Variants in FOXP1 observed in about 807,000 individuals in gnomAD.
FOXP1 encodes the protein forkhead box P1.
A neutral mutation model predicts 98.2 loss-of-function variants in FOXP1; 15 were observed. The ratio of observed to expected loss-of-function variants is 0.15; its 90% CI spans 0.10 to 0.24. The LOEUF is 0.24. Among genes scored for constraint, FOXP1 ranks in the 10% least tolerant of loss-of-function variants. The pLI, the probability that FOXP1 is intolerant of heterozygous loss-of-function variation, is 1.00. For missense variants in FOXP1, 633 were observed against 848.5 expected (o/e 0.75, Z 3.15); for synonymous variants, 371 against 314.5 (o/e 1.18, Z -1.90).
chr3:70,979,362 T>TTATC (rs1196621645), intron 14 of FOXP1, among the ~76,000 whole-genome samples: 13 of 150,374 alleles, frequency 8.6e-5, no homozygotes, highest in Non-Finnish European at 1.8e-4. Context: ...TTTATCTTTC[T>TTATC]TATCTTCACC....
chr3:71,480,297 C>G (rs533997086), intron 3 of FOXP1, among the ~76,000 whole-genome samples: 2 of 152,232 alleles, frequency 1.3e-5, no homozygotes, highest in Non-Finnish European at 2.9e-5. Context: ...AGCCGAGTGT[C>G]TGGCACACAG....
At chr3:71,369,153 G>T (rs1241272587) in intron 3 of FOXP1, among the ~76,000 whole-genome samples, 6 of 152,042 alleles carry the variant, frequency 3.9e-5, no homozygotes, top group Non-Finnish European at 8.8e-5. Flanking sequence ...ATTTTGGGAG[G>T]CTGAGGCAGG....
At chr3:71,143,660 G>A (rs2060172698) in intron 6 of FOXP1, among the ~76,000 whole-genome samples, 1 of 152,204 alleles carries the variant, frequency 6.6e-6, no homozygotes, top group African/African-American at 2.4e-5. Flanking sequence ...TTGGGAGGCT[G>A]AGATGGGAGG....
Position 71,247,027 on chromosome 3 carries a change from A to G in FOXP1, c.-11-48635T>C, listed in dbSNP as rs191976752. On this transcript the variant is annotated intron_variant, in intron 5 of 20. Coordinates refer to ENST00000649528, the MANE Select transcript of FOXP1 (RefSeq NM_001349338.3). ...TCACTGTGGCGCTACAGCTCTCAGC[A>G]TAAGTGTTTTTATTGGGTTTATTTG... Among the ~76,000 whole-genome samples the G allele has an allele frequency of 7.0e-4, 107 of 152,348 alleles. 1 individual carries two copies. The highest frequency in any genetic ancestry group is 2.4e-3 in the African/African-American group (101 of 41,578).
chr3:71,226,889 A>G (rs555526134), intron 5 of FOXP1, among the ~76,000 whole-genome samples: 2 of 152,262 alleles, frequency 1.3e-5, no homozygotes, highest in African/African-American at 4.8e-5. Context: ...CACACTGGTC[A>G]GACTGGGGTA....
chr3:71,164,292 C>T (rs1306991955), intron 6 of FOXP1, among the ~76,000 whole-genome samples: 6 of 152,166 alleles, frequency 3.9e-5, no homozygotes, highest in South Asian at 4.1e-4. Flanking sequence ...CTCCGCCTCC[C>T]GGGTTCATGC....
intron 5 of FOXP1, among the ~76,000 whole-genome samples, chr3:71,273,293 C>T (rs1307355841): frequency 5.3e-5 from 8 of 152,270 alleles, no homozygotes; most frequent in South Asian, 4.1e-4. Flanking sequence ...AATTTGCATC[C>T]GGCCCTGTCC....
chr3:71,358,841 T>C (rs971707422), intron 4 of FOXP1, among the ~76,000 whole-genome samples: 1 of 152,190 alleles, frequency 6.6e-6, no homozygotes, highest in Non-Finnish European at 1.5e-5. Flanking sequence ...AGTTGACTAG[T>C]TGCAAAAAAG....
At chr3:71,583,927 C>G (rs1326284739), upstream of FOXP1, 2 of 984,364 alleles carry the variant, frequency 2.0e-6, no homozygotes, top group Non-Finnish European at 2.4e-6. Context: ...GGCACTCCAG[C>G]GGCCCCCCGA....
intron 13 of FOXP1, among the ~76,000 whole-genome samples, chr3:70,998,170 C>CAA (rs1403098274): frequency 6.6e-6 from 1 of 152,122 alleles, no homozygotes; most frequent in Non-Finnish European, 1.5e-5. Context: ...CTGTAAGAGC[C>CAA]AGATCATAAA....
chr3:71,361,709 G>A (rs534812744), intron 3 of FOXP1, among the ~76,000 whole-genome samples: 16 of 152,268 alleles, frequency 1.1e-4, no homozygotes, highest in Admixed American at 5.2e-4. Flanking sequence ...CCAGTGAGAC[G>A]CCGGTCTGCT....
intron 6 of FOXP1, chr3:71,130,490 A>T (rs746094331): frequency 6.3e-7 from 1 of 1,598,222 alleles, no homozygotes; most frequent in Non-Finnish European, 8.5e-7. Flanking sequence ...TTTTCTCTGG[A>T]CACTTACAGA....
At chr3:71,032,840 A>T (rs949411057) in intron 11 of FOXP1, among the ~76,000 whole-genome samples, 1 of 152,168 alleles carries the variant, frequency 6.6e-6, no homozygotes, top group Non-Finnish European at 1.5e-5. Context: ...GTCATTTATT[A>T]TAAGAATAGG....
chr3:71,540,792 A>G (rs1266429983), intron 2 of FOXP1, among the ~76,000 whole-genome samples: 1 of 152,246 alleles, frequency 6.6e-6, no homozygotes, highest in Non-Finnish European at 1.5e-5. Context: ...ACATACACGC[A>G]TATTGTGTAC....
At chr3:71,268,686 C>CTTGTGACA (rs1246465810) in intron 5 of FOXP1, among the ~76,000 whole-genome samples, 12 of 152,278 alleles carry the variant, frequency 7.9e-5, no homozygotes, top group Admixed American at 5.9e-4. Context: ...GATTCTGTCC[C>CTTGTGACA]TTGTGACATT....
intron 7 of FOXP1, 58 bp downstream of exon 7, chr3:71,112,478 T>A: frequency 7.6e-7 from 1 of 1,322,052 alleles, no homozygotes; most frequent in South Asian, 1.2e-5. Flanking sequence ...ACTCCTGAAC[T>A]GCTTGTCACT....
intron 6 of FOXP1, among the ~76,000 whole-genome samples, chr3:71,127,247 T>C (rs2059275599): frequency 6.6e-6 from 1 of 151,758 alleles, no homozygotes; most frequent in Admixed American, 6.6e-5. Context: ...TAACAGCAGG[T>C]TTCAATTCTT....
At chr3:71,469,278 A>G (rs1181213588) in intron 3 of FOXP1, among the ~76,000 whole-genome samples, 1 of 152,212 alleles carries the variant, frequency 6.6e-6, no homozygotes, top group African/African-American at 2.4e-5. Context: ...CACTGTTTCC[A>G]TAGTAACCAA....
At chr3:71,230,884 A>G (rs1271710185) in intron 5 of FOXP1, among the ~76,000 whole-genome samples, 1 of 152,230 alleles carries the variant, frequency 6.6e-6, no homozygotes, top group Non-Finnish European at 1.5e-5. Flanking sequence ...TTATTAAGTT[A>G]TCAAATAATC....
Sources: allele counts gnomAD v4.1 joint callset (sites outside exome capture counted in the v4.1 genomes callset), GRCh38; gene constraint gnomAD v4.1.1; transcripts MANE v1.5; gene names NCBI Gene and HGNC (gene_info 2026-07-23, HGNC 2026-07-21).